PTPRO: variants seen among roughly 807,000 people sequenced by gnomAD.
The protein encoded by PTPRO is receptor-type tyrosine-protein phosphatase O.
Under a neutral mutation model 145.2 loss-of-function variants are expected in PTPRO, and 62 were observed. The observed-to-expected ratio is 0.43, with a 90% CI of 0.35 to 0.53. PTPRO has a LOEUF of 0.53. Among genes scored for constraint, PTPRO ranks in the 20% least tolerant of loss-of-function variants. The pLI is 0.01. For synonymous variants in PTPRO, 565 were observed against 514.7 expected, an observed-to-expected ratio of 1.10 and a Z score of -1.32; for missense variants, 1,345 against 1,482.7, an observed-to-expected ratio of 0.91 and a Z score of 1.53.
chr12:15,469,561 A>G (rs559521208), intron 1 of PTPRO, among the ~76,000 whole-genome samples: 1 of 152,194 alleles, frequency 6.6e-6, no homozygotes, highest in South Asian at 2.1e-4. Flanking sequence ...AGGCCCTAAA[A>G]CTGTTCCCAT....
At chr12:15,485,238 A>C (rs139096027) in intron 2 of PTPRO, among the ~76,000 whole-genome samples, 2 of 152,268 alleles carry the variant, frequency 1.3e-5, no homozygotes, top group Admixed American at 1.3e-4. Context: ...CCATTGGCAC[A>C]ATCCCAGGAT....
intron 1 of PTPRO, among the ~76,000 whole-genome samples, chr12:15,464,073 G>C (rs1039215981): frequency 1.3e-5 from 2 of 152,024 alleles, no homozygotes; most frequent in African/African-American, 4.8e-5. Context: ...TTTATATACA[G>C]AACTAACTAA....
chr12:15,594,790 G>T, intron 25 of PTPRO, 147 bp from the exon 26 acceptor site: 1 of 648,634 alleles, frequency 1.5e-6, no homozygotes, highest in East Asian at 2.9e-5. Context: ...GATTCTCTTG[G>T]ATTTTCTAGT....
At chr12:15,519,942 A>G (rs1942679790) in intron 9 of PTPRO, among the ~76,000 whole-genome samples, 1 of 152,218 alleles carries the variant, frequency 6.6e-6, no homozygotes, top group Non-Finnish European at 1.5e-5. Flanking sequence ...ATATTAGGAA[A>G]TTGCAAAATC....
intron 1 of PTPRO, among the ~76,000 whole-genome samples, chr12:15,369,424 C>T (rs150531018): frequency 3.3e-5 from 5 of 152,214 alleles, no homozygotes; most frequent in East Asian, 1.9e-4. Flanking sequence ...AGGTAGGATG[C>T]GAAACCTTCT....
In PTPRO at chr12:15,484,187, C is replaced by G. The variant is rs1217968495; in HGVS notation, c.289C>G (p.Leu97Val). 6.2e-7 allele frequency: 1 copy of G among 1,613,532 alleles called. No homozygotes were observed. The highest frequency in any genetic ancestry group is 1.1e-5 in the South Asian group (1 of 91,068). Residue 97 changes from leucine (L) to valine (V), a missense_variant, in exon 2 of 27, where the codon CTG becomes GTG. By Grantham distance (32) the Leu-to-Val change is conservative (BLOSUM62 1). Transcript: ENST00000281171. ...SYHGLYYIITLVVVNGNVVTK... is the reference protein window; with the variant it reads ...SYHGLYYIITVVVVNGNVVTK... ...TCATGGCCTTTATTATATAATCACT[C>G]TGGTAGTGGTAAATGGAAATGTGGT...
At chr12:15,391,281 C>T (rs1187938451) in intron 1 of PTPRO, among the ~76,000 whole-genome samples, 2 of 152,202 alleles carry the variant, frequency 1.3e-5, no homozygotes, top group Non-Finnish European at 2.9e-5. Flanking sequence ...GGTTTAGTAC[C>T]AGTTATTATT....
chr12:15,375,274 G>A (rs2136266127), intron 1 of PTPRO, among the ~76,000 whole-genome samples: 1 of 152,284 alleles, frequency 6.6e-6, no homozygotes, highest in South Asian at 2.1e-4. Flanking sequence ...GAGAAAAATT[G>A]TGGTGCATAC....
intron 1 of PTPRO, among the ~76,000 whole-genome samples, chr12:15,352,323 G>A (rs543483310): frequency 8.2e-4 from 125 of 152,274 alleles, no homozygotes; most frequent in Non-Finnish European, 1.4e-3. Context: ...TGAATACCAA[G>A]AATGAAAGTG....
chr12:15,504,234 T>C (rs1432901968), intron 6 of PTPRO, among the ~76,000 whole-genome samples, 165 bp downstream of exon 6: 1 of 152,176 alleles, frequency 6.6e-6, no homozygotes. Flanking sequence ...GCAGAGGAAA[T>C]GAATGCTTGT....
At chr12:15,507,159 C>G (rs767987368) in intron 6 of PTPRO, among the ~76,000 whole-genome samples, 33 of 151,962 alleles carry the variant, frequency 2.2e-4, no homozygotes, top group Non-Finnish European at 3.7e-4. Context: ...ACACCTATAA[C>G]CCCAGCACTT....
chr12:15,566,330 G>A (rs1943896893), intron 18 of PTPRO, among the ~76,000 whole-genome samples: 1 of 152,080 alleles, frequency 6.6e-6, no homozygotes, highest in Non-Finnish European at 1.5e-5. Context: ...GGAAATTAGG[G>A]GGTCCAGCCA....
At chr12:15,439,848 T>C (rs371348792) in intron 1 of PTPRO, 6 of 624,376 alleles carry the variant, frequency 9.6e-6, no homozygotes, top group African/African-American at 1.8e-5. Context: ...GATTTGAAGA[T>C]TATGATGGTG....
chr12:15,557,509 G>C lies in PTPRO; in HGVS notation c.2613G>C (p.Lys871Asn). ...VNFASLERDG[K>N]LPYNWRRSIF... ...TTGCATCCTTAGAGAGGGATGGAAA[G>C]CTTCCATACAACTGGTGAGTATTGT... The change falls in exon 16 of 27, where the codon AAG becomes AAC. Residue 871 changes from lysine to asparagine, a missense_variant. By Grantham distance (94) the Lys-to-Asn change is moderately conservative (BLOSUM62 0). Transcript: ENST00000281171. 1 of 1,613,604 alleles carries C rather than the reference G, an allele frequency of 6.2e-7. No homozygotes were observed. The highest frequency in any genetic ancestry group is 8.5e-7 in the Non-Finnish European group (1 of 1,179,512).
intron 7 of PTPRO, among the ~76,000 whole-genome samples, chr12:15,509,244 G>T (rs1030513792): frequency 6.6e-6 from 1 of 152,084 alleles, no homozygotes; most frequent in African/African-American, 2.4e-5. Flanking sequence ...TTGGAAACTG[G>T]TTGGAAAAAA....
chr12:15,512,536 A>G (rs1050504736), intron 7 of PTPRO, among the ~76,000 whole-genome samples: 1 of 152,250 alleles, frequency 6.6e-6, no homozygotes, highest in African/African-American at 2.4e-5. Context: ...GAGGAGGAGA[A>G]CAAACAAAAC....
rs540103178 is a variant in PTPRO, at chr12:15,448,541, T to G, written c.76-35433T>G. Among the ~76,000 whole-genome samples the G allele has an allele frequency of 3.3e-5, 5 of 152,106 alleles. No individual in the cohort carries two copies. In the South Asian group the frequency reaches 8.3e-4, roughly 25 times the overall value. ...AAGAGAAAACAAGTGTGCACAAGGT[T>G]GTGGAGAAAAGAGAAACCTTGCACA... On this transcript the variant is annotated intron_variant, in intron 1 of 26. Coordinates refer to ENST00000281171, the MANE Select transcript of PTPRO (RefSeq NM_030667.3).
At chr12:15,372,677 T>A (rs1004507836) in intron 1 of PTPRO, among the ~76,000 whole-genome samples, 28 of 152,178 alleles carry the variant, frequency 1.8e-4, no homozygotes, top group Non-Finnish European at 3.7e-4. Flanking sequence ...ACATTGCCTA[T>A]ATTAGTAAAT....
rs560127194 is a variant in PTPRO, at chr12:15,530,487, G to A, written c.2164+4225G>A. On this transcript the variant is annotated intron_variant, in intron 12 of 26. Coordinates refer to ENST00000281171, the MANE Select transcript of PTPRO (RefSeq NM_030667.3). ...TATCATATCTTAGGACACAAAACAG[G>A]TCTCAACAAATTCAAAAAGTACATA... 6.6e-5 allele frequency among the ~76,000 whole-genome samples: 10 copies of A among 152,220 alleles called. No homozygotes were observed. In the South Asian group the frequency reaches 2.1e-3, roughly 32 times the overall value.
Sources: gnomAD v4.1 joint callset for allele counts (sites outside exome capture counted in the v4.1 genomes callset) on GRCh38, gnomAD v4.1.1 for gene constraint, MANE v1.5 for transcripts, NCBI Gene and HGNC (gene_info 2026-07-23, HGNC 2026-07-21) for gene names.